Variants in TOP3B observed in about 807,000 individuals in gnomAD.
TOP3B encodes DNA topoisomerase III beta, also known as DNA topoisomerase 3-beta-1.
A neutral mutation model predicts 93.9 loss-of-function variants in TOP3B; 45 were observed. The ratio of observed to expected loss-of-function variants is 0.48; its 90% CI spans 0.38 to 0.61. The LOEUF (loss-of-function observed/expected upper bound fraction) is 0.61. Among genes scored for constraint, TOP3B ranks in the 20% least tolerant of loss-of-function variants. TOP3B has a pLI of 0.00. For synonymous variants in TOP3B, 357 were observed against 472.6 expected, an observed-to-expected ratio of 0.76 and a Z score of 3.17; for missense variants, 750 against 1,156.1, an observed-to-expected ratio of 0.65 and a Z score of 5.09.
rs754302712 is a variant in TOP3B at position 21,971,933 on chromosome 22, C to T, written c.328G>A (p.Asp110Asn). The T allele has an allele frequency of 1.2e-5, 19 of 1,613,244 alleles. No homozygotes were observed. Among genetic ancestry groups the T allele is most frequent in the East Asian group, 2.2e-5 (1 of 44,828 alleles). ...KFLQVEGRGC[D>N]YIVLWLDCDK... is the part of the protein sequence containing the mutation. ...CAGTCCAGCCACAGCACGATGTAGT[C>T]GCAGCCTCTGCCCTCCACCTGCCAC... The change falls in exon 5 of 18, where the codon GAC (aspartate) becomes AAC (asparagine). Residue 110 changes from aspartate (D) to asparagine (N), a missense_variant. This residue lies in a region of TOP3B where 737 missense variants were observed against 933.7 expected (regional missense o/e 0.79). Coordinates refer to ENST00000357179, the MANE Select transcript of TOP3B (RefSeq NM_001282112.2). This position sits in a 1 kb window ranked among gnomAD's most constrained non-coding sequence, Gnocchi z 4.6.
Position 21,967,639 on chromosome 22 carries a change from C to T in TOP3B, c.816G>A (p.Met272Ile). 1.2e-6 allele frequency: 2 copies of T among 1,614,168 alleles called. No individual in the cohort carries two copies. Among genetic ancestry groups the T allele is most frequent in the Non-Finnish European group, 1.7e-6 (2 of 1,180,014 alleles). The change falls in exon 8 of 18, where the codon ATG becomes ATA. Residue 272 changes from methionine (M) to isoleucine (I), a missense_variant. Transcript: ENST00000357179. ...VRVFDREIAQ[M>I]FLNMTKLEKE... ...TCTCCAGCTTTGTCATGTTTAAAAACATCTGTGCGATCTCCCGGTCAAACA... is the reference window on the plus strand; with the variant it reads ...TCTCCAGCTTTGTCATGTTTAAAAATATCTGTGCGATCTCCCGGTCAAACA...
intron 13 of TOP3B, chr22:21,962,078 G>C: frequency 1.7e-6 from 2 of 1,210,624 alleles, no homozygotes; most frequent in East Asian, 9.4e-5. Flanking sequence ...GGACAGCCCA[G>C]GCTGGCTGTG....
At chr22:21,960,039 C>G (rs1016572201) in intron 14 of TOP3B, 3 of 619,604 alleles carry the variant, frequency 4.8e-6, no homozygotes, top group Admixed American at 3.0e-5. Flanking sequence ...TCCCTCTCCC[C>G]TTGGCCCCTG....
Position 21,963,110 on chromosome 22 carries a change from G to C in TOP3B, c.1205-217C>G, listed in dbSNP as rs2145839561. ...GCACTCTGGGAGGCTAAGGTGGATG[G>C]ATCACTTGAGGTCAGGAGTTTGAGA... is the stretch of plus-strand genomic sequence containing the variant. On this transcript the variant is annotated intron_variant, in intron 11 of 17. Coordinates refer to ENST00000357179, the MANE Select transcript of TOP3B (RefSeq NM_001282112.2). The surrounding 1 kb of genome is among the most constrained non-coding windows in gnomAD (Gnocchi z 4.8). 1 of 544,764 alleles carries C rather than the reference G, an allele frequency of 1.8e-6. No individual in the cohort carries two copies. Among genetic ancestry groups the C allele is most frequent in the South Asian group, 2.1e-5 (1 of 46,950 alleles). The allele number at this position is 544,764 out of a possible 1,614,324, so 33.7% of individuals were successfully genotyped here. A position where few individuals can be genotyped will look rare whatever the true frequency, so the allele number is the denominator to read the frequency against.
chr22:21,968,449 C>T, intron 7 of TOP3B, 170 bp downstream of exon 7: 1 of 710,128 alleles, frequency 1.4e-6, no homozygotes, highest in Non-Finnish European at 2.3e-6. Context: ...CCCACTGCCC[C>T]CATGAAGGCT....
rs920058820 is a variant in TOP3B, at chr22:21,963,648, C to G, written c.1204+275G>C. On this transcript the variant is annotated intron_variant, in intron 11 of 17. Transcript: ENST00000357179. This position sits in a 1 kb window ranked among gnomAD's most constrained non-coding sequence, Gnocchi z 4.8. ...TGGGAGGTAGGAGGTGTGCTGCCCC[C>G]TCCCCCACACCGCCACTCTCTACCC... The G allele has an allele frequency of 4.2e-6, 2 of 471,292 alleles. No homozygotes were observed. The highest frequency in any genetic ancestry group is 7.6e-6 in the Non-Finnish European group (2 of 261,890). 29.2% of individuals were successfully genotyped at this position (471,292 alleles called of 1,614,324 possible).
chr22:21,964,422 G>A, intron 9 of TOP3B, 107 bp from the exon 10 acceptor site: 2 of 1,355,536 alleles, frequency 1.5e-6, no homozygotes, highest in Non-Finnish European at 2.0e-6. Flanking sequence ...CCCTCCTGGA[G>A]GGTGACGGTG....
At position 21,967,656 on chromosome 22, in the gene TOP3B, G is replaced by A. The variant is rs146485968; in HGVS notation, c.799C>T (p.Arg267Trp). ...LDWDRVRVFD[R>W]EIAQMFLNMT... ...TTTAAAAACATCTGTGCGATCTCCCGGTCAAACACTCTTACTCGGTCCCAG... is the reference window on the plus strand; with the variant it reads ...TTTAAAAACATCTGTGCGATCTCCCAGTCAAACACTCTTACTCGGTCCCAG... Residue 267 changes from arginine to tryptophan, a missense_variant, in exon 8 of 18, where the codon CGG (arginine) becomes TGG (tryptophan). Physicochemically the swap from Arg to Trp is moderately radical, Grantham distance 101. Coordinates refer to ENST00000357179, the MANE Select transcript of TOP3B (RefSeq NM_001282112.2). 3.8e-4 allele frequency: 613 copies of A among 1,613,944 alleles called. 1 individual carries two copies. The highest frequency in any genetic ancestry group is 4.6e-4 in the Non-Finnish European group (546 of 1,180,008).
rs2071084705 is a variant in TOP3B, at chr22:21,959,718, G to T, written c.1673C>A (p.Pro558His). The T allele has an allele frequency of 4.3e-6, 7 of 1,613,156 alleles. 1 individual carries two copies. The highest frequency in any genetic ancestry group is 5.9e-6 in the Non-Finnish European group (7 of 1,179,848). ...YYKIDAELVLPTIRSAVEKQL... is the reference protein window; with the variant it reads ...YYKIDAELVLHTIRSAVEKQL... ...CTTCTCCACTGCACTGCGGATGGTG[G>T]GGAGCACCAGCTCTGCATCTGCAAG... Residue 558 changes from proline (P) to histidine (H), a missense_variant, in exon 15 of 18, where the codon CCC becomes CAC. This residue lies in a region of TOP3B where 737 missense variants were observed against 933.7 expected (regional missense o/e 0.79). Transcript: ENST00000357179.
At chr22:21,968,310 T>G (rs1241256186) in intron 7 of TOP3B, 1 of 343,252 alleles carries the variant, frequency 2.9e-6, no homozygotes, top group Non-Finnish European at 5.3e-6. Context: ...TGAAAGCCAA[T>G]GGTCTCAGTC....
rs776555913 is a variant in TOP3B, at chr22:21,959,278, G to C, written c.1805-46C>G. ...GGAGTCATCTCCCTCCCAGTCCCCA[G>C]CAAAAGGCTCCGCAACACGTGGTCA... On this transcript the variant is annotated intron_variant, in intron 15 of 17. Coordinates refer to ENST00000357179, the MANE Select transcript of TOP3B (RefSeq NM_001282112.2). The C allele has an allele frequency of 3.1e-6, 5 of 1,604,624 alleles. No homozygotes were observed. In the Admixed American group the frequency reaches 8.3e-5, roughly 27 times the overall value.
At chr22:21,967,785 AC>A in intron 7 of TOP3B, 69 bp from the exon 8 acceptor site, 1 of 1,217,882 alleles carries the variant, frequency 8.2e-7, no homozygotes, top group Non-Finnish European at 1.2e-6. Flanking sequence ...GCCAGGAAGA[AC>A]CAGGACAGAT....
At position 21,970,580 on chromosome 22, in the gene TOP3B, T is replaced by TC; in HGVS notation, c.385-175dup. ...CCTGCACCTGCCAGACCCTCCTCTA[T>TC]CCCCCTGCCTTTCCAGAAGCCCTGA... On this transcript the variant is annotated intron_variant, in intron 5 of 17. Transcript: ENST00000357179. The surrounding 1 kb of genome is among the most constrained non-coding windows in gnomAD (Gnocchi z 4.4). 1.5e-6 allele frequency: 1 copy of TC among 656,642 alleles called. No homozygotes were observed. The highest frequency in any genetic ancestry group is 2.6e-6 in the Non-Finnish European group (1 of 388,382). The allele number at this position is 656,642 out of a possible 1,614,324, so 40.7% of individuals were successfully genotyped here.
Position 21,974,460 on chromosome 22 carries a change from G to A in TOP3B, c.99C>T (p.Asn33=), listed in dbSNP as rs774675032. 1.1e-5 allele frequency: 18 copies of A among 1,612,710 alleles called. No individual in the cohort carries two copies. The Admixed American group carries it at 1.8e-4, about 16-fold the overall frequency. Residue 33 remains asparagine (N), a synonymous_variant, in exon 3 of 18, where the codon AAC becomes AAT. Coordinates refer to ENST00000357179, the MANE Select transcript of TOP3B (RefSeq NM_001282112.2). ...RGSLSSHKGL[N]GACSVHEYTG... ...TGTACTCGTGGACTGAGCAGGCCCC[G>A]TTCAGCCCTTTGTGTGAGGACAGGC...
In TOP3B at chr22:21,970,045, C is replaced by CA. The variant is rs957776204; in HGVS notation, c.581+164dup. On this transcript the variant is annotated intron_variant, in intron 6 of 17. Coordinates refer to ENST00000357179, the MANE Select transcript of TOP3B (RefSeq NM_001282112.2). This position sits in a 1 kb window ranked among gnomAD's most constrained non-coding sequence, Gnocchi z 4.4. ...CTGGTCTCCCAAAGTGCAGGGATTA[C>CA]AGGTGTTAGCCACTGTGCCTGGCCT... 2.9e-6 allele frequency: 2 copies of CA among 687,068 alleles called. No individual in the cohort carries two copies. The highest frequency in any genetic ancestry group is 3.6e-5 in the African/African-American group (2 of 55,014). 42.6% of individuals were successfully genotyped at this position (687,068 alleles called of 1,614,324 possible).
Position 21,970,138 on chromosome 22 carries a change from G to A in TOP3B, c.581+72C>T, listed in dbSNP as rs1476944948. On this transcript the variant is annotated intron_variant, in intron 6 of 17. Coordinates refer to ENST00000357179, the MANE Select transcript of TOP3B (RefSeq NM_001282112.2). This position sits in a 1 kb window ranked among gnomAD's most constrained non-coding sequence, Gnocchi z 4.4. Reference sequence around the variant, plus strand: ...AGGAGGCCTAGGGGCCCCGGAGGGGGACCAGTAGAGGCAGGTCTCTGGCTG... The same window carrying A: ...AGGAGGCCTAGGGGCCCCGGAGGGGAACCAGTAGAGGCAGGTCTCTGGCTG... 3.8e-6 allele frequency: 6 copies of A among 1,558,902 alleles called. No individual in the cohort carries two copies. In the African/African-American group the frequency reaches 5.4e-5, roughly 14 times the overall value.
At chr22:21,965,777 T>A (rs1362545036) in intron 8 of TOP3B, 1 of 155,232 alleles carries the variant, frequency 6.4e-6, no homozygotes, top group East Asian at 1.9e-4. Context: ...TGAGGCAGAA[T>A]TGCTTGAACC....
At position 21,971,028 on chromosome 22, in the gene TOP3B, G is replaced by A. The variant is rs1393908025; in HGVS notation, c.385-622C>T. ...AGGGTCGCCGCCGGAGCCTGGCCAC[G>A]CAGCTTCCTTACTGGGAATAAGTGG... On this transcript the variant is annotated intron_variant, in intron 5 of 17. Coordinates refer to ENST00000357179, the MANE Select transcript of TOP3B (RefSeq NM_001282112.2). The surrounding 1 kb of genome is among the most constrained non-coding windows in gnomAD (Gnocchi z 4.6). 4.6e-6 allele frequency: 6 copies of A among 1,301,662 alleles called. No homozygotes were observed. Among genetic ancestry groups the A allele is most frequent in the Admixed American group, 2.3e-5 (1 of 43,386 alleles). 80.6% of individuals were successfully genotyped at this position (1,301,662 alleles called of 1,614,324 possible). A position where few individuals can be genotyped will look rare whatever the true frequency, so the allele number is the denominator to read the frequency against.
intron 1 of TOP3B, among the ~76,000 whole-genome samples, chr22:21,979,716 C>T (rs1339805108): frequency 1.3e-5 from 2 of 151,662 alleles, no homozygotes; most frequent in Non-Finnish European, 2.9e-5. Flanking sequence ...CCAAGGTGGG[C>T]AGATCACGAG....
Sources: gnomAD v4.1 joint callset for allele counts (sites outside exome capture counted in the v4.1 genomes callset) on GRCh38, gnomAD v4.1.1 for gene constraint, gnomAD v4.1.1 regional missense constraint, Gnocchi (gnomAD v3.1) non-coding constraint, MANE v1.5 for transcripts, NCBI Gene and HGNC (gene_info 2026-07-23, HGNC 2026-07-21) for gene names.